The following MARCHF7 variants were observed in gnomAD, a reference collection of about 807,000 sequenced individuals.
MARCHF7 encodes membrane associated ring-CH-type finger 7, also known as E3 ubiquitin-protein ligase MARCHF7.
Under a neutral mutation model 76.5 loss-of-function variants are expected in MARCHF7, and 20 were observed. That is an observed-to-expected ratio of 0.26 (90% CI 0.18 to 0.38). MARCHF7 has a LOEUF of 0.38. Ranked by LOEUF, MARCHF7 falls within the 10% of genes least tolerant of loss-of-function variation. The pLI, the probability that MARCHF7 is intolerant of heterozygous loss-of-function variation, is 1.00. For synonymous variants in MARCHF7, 295 were observed against 293.0 expected (o/e 1.01, Z -0.07); for missense variants, 797 against 812.9 (o/e 0.98, Z 0.24).
In MARCHF7 at chr2:159,739,686, A is replaced by G. The variant is rs1010632644; in HGVS notation, c.154-3375A>G. ...AAAAAACAATTGCTTCAGACTGAGG[A>G]TATTTGAACAAATATGGACAAAATT... On this transcript the variant is annotated intron_variant, in intron 4 of 11. Coordinates refer to ENST00000409175, the MANE Select transcript of MARCHF7 (RefSeq NM_001282805.2). Among the ~76,000 whole-genome samples the G allele has an allele frequency of 3.3e-5, 5 of 152,220 alleles. 1 individual carries two copies. The highest frequency in any genetic ancestry group is 7.4e-5 in the Non-Finnish European group (5 of 68,024).
At chr2:159,764,255 T>TGTGTGTGTGTGTGTGCGCGCGC (rs10592175) in intron 10 of MARCHF7, among the ~76,000 whole-genome samples, 14 of 131,366 alleles carry the variant, frequency 1.1e-4, no homozygotes, top group African/African-American at 3.0e-4. Flanking sequence ...TGTGTGTGTG[T>TGTGTGTGTGTGTGTGCGCGCGC]GCGCGCGCCC....
intron 7 of MARCHF7, among the ~76,000 whole-genome samples, chr2:159,750,523 CAAAATAAAATAAAAT>C (rs376067917): frequency 2.0e-5 from 3 of 151,404 alleles, no homozygotes; most frequent in African/African-American, 7.3e-5. Context: ...GACTCTGTCT[CAAAATAAAATAAAAT>C]AAAATAAAAT....
chr2:159,737,328 AT>A (rs1216805099), intron 4 of MARCHF7, among the ~76,000 whole-genome samples: 3 of 152,222 alleles, frequency 2.0e-5, no homozygotes, highest in Non-Finnish European at 4.4e-5. Context: ...CCTCTCAACA[AT>A]AAAAATATAA....
In MARCHF7 at chr2:159,768,052, C is replaced by T. The variant is rs1026359946; in HGVS notation, c.*710C>T. On this transcript the variant is annotated 3_prime_UTR_variant, in exon 12 of 12. Coordinates refer to ENST00000409175, the MANE Select transcript of MARCHF7 (RefSeq NM_001282805.2). The stretch of plus-strand genomic sequence containing the variant: ...GTAGATATTCCTTTTAGGAATATTA[C>T]AGCTGTAAATTATATGAGACTTGCC... The T allele has an allele frequency of 1.3e-5, 2 of 152,428 alleles. No homozygotes were observed. The highest frequency in any genetic ancestry group is 2.4e-5 in the African/African-American group (1 of 41,410). The allele number at this position is 152,428 out of a possible 1,614,324, so 9.4% of individuals were successfully genotyped here.
At chr2:159,728,978 A>G (rs746717488) in intron 3 of MARCHF7, 31 bp from the exon 4 acceptor site, 1 of 1,418,692 alleles carries the variant, frequency 7.0e-7, no homozygotes, top group Non-Finnish European at 9.5e-7. Flanking sequence ...TATTTTCCCA[A>G]AGGCAATTAA....
intron 3 of MARCHF7, among the ~76,000 whole-genome samples, chr2:159,721,674 A>G (rs1053643928): frequency 6.6e-6 from 1 of 152,220 alleles, no homozygotes; most frequent in Non-Finnish European, 1.5e-5. Flanking sequence ...TGGAGAATAG[A>G]AAGTGTAGCC....
intron 4 of MARCHF7, chr2:159,733,120 C>T (rs1703022069): frequency 1.5e-6 from 1 of 668,118 alleles, no homozygotes; most frequent in Admixed American, 6.3e-5. Context: ...CCTGGCTTTA[C>T]ATTGGTTTAA....
chr2:159,738,435 C>A (rs967288587), intron 4 of MARCHF7, among the ~76,000 whole-genome samples: 1 of 152,124 alleles, frequency 6.6e-6, no homozygotes, highest in Admixed American at 6.5e-5. Flanking sequence ...TGGCGGGTCC[C>A]GAGTTCTTGT....
chr2:159,737,361 G>A (rs1338402807), intron 4 of MARCHF7, among the ~76,000 whole-genome samples: 1 of 152,044 alleles, frequency 6.6e-6, no homozygotes, highest in Non-Finnish European at 1.5e-5. Flanking sequence ...ATGGGCAAAG[G>A]ACTTTAATAA....
At position 159,768,857 on chromosome 2, in the gene MARCHF7, TTAACC is replaced by T. The variant is rs1708036990; in HGVS notation, c.*1516_*1520del. 6.6e-6 allele frequency: 1 copy of T among 152,182 alleles called. No individual in the cohort carries two copies. The highest frequency in any genetic ancestry group is 2.4e-5 in the African/African-American group (1 of 41,452). 9.4% of individuals were successfully genotyped at this position (152,182 alleles called of 1,614,324 possible). ...ATTCAGTATGACAGTTGTCTTCTGC[TTAACC>T]CATAAAACTTTATTTAAAAAATTTA... On this transcript the variant is annotated 3_prime_UTR_variant, in exon 12 of 12. Coordinates refer to ENST00000409175, the MANE Select transcript of MARCHF7 (RefSeq NM_001282805.2).
In MARCHF7 at chr2:159,729,830, T is replaced by C. The variant is rs541683477; in HGVS notation, c.153+655T>C. On this transcript the variant is annotated intron_variant, in intron 4 of 11. Coordinates refer to ENST00000409175, the MANE Select transcript of MARCHF7 (RefSeq NM_001282805.2). ...AAGATCACACTGATTCATCTGACTT[T>C]TCTCTGCATATACACAAAGCAGTGG... Among the ~76,000 whole-genome samples the C allele has an allele frequency of 7.9e-5, 12 of 152,340 alleles. No homozygotes were observed. The South Asian group carries it at 1.7e-3, about 21-fold the overall frequency.
intron 1 of MARCHF7, among the ~76,000 whole-genome samples, chr2:159,713,078 AG>A (rs1700446283): frequency 6.6e-6 from 1 of 152,216 alleles, no homozygotes. Context: ...CGGCTCGGCC[AG>A]CCCGGCCTCG....
intron 1 of MARCHF7, among the ~76,000 whole-genome samples, chr2:159,714,252 CTT>C (rs1700758825): frequency 6.6e-6 from 1 of 152,076 alleles, no homozygotes; most frequent in East Asian, 1.9e-4. Flanking sequence ...TATCTTAAAA[CTT>C]TTTTAGATAA....
chr2:159,756,109 C>A (rs1221729603), intron 8 of MARCHF7, among the ~76,000 whole-genome samples: 3 of 152,082 alleles, frequency 2.0e-5, no homozygotes, highest in African/African-American at 4.8e-5. Flanking sequence ...ATGTAAAGTG[C>A]TTAGTATTTT....
chr2:159,763,759 TTATC>T (rs1211836655), intron 10 of MARCHF7, among the ~76,000 whole-genome samples: 2 of 152,214 alleles, frequency 1.3e-5, no homozygotes, highest in East Asian at 3.8e-4. Context: ...ATTTTGAAAA[TTATC>T]AAATAACTGC....
At chr2:159,743,747 A>AG (rs1553781128) in intron 5 of MARCHF7, among the ~76,000 whole-genome samples, 34 of 67,150 alleles carry the variant, frequency 5.1e-4, no homozygotes, top group South Asian at 6.7e-4. Context: ...CAAAAAAAAA[A>AG]AAAGAGAGAA....
intron 3 of MARCHF7, among the ~76,000 whole-genome samples, chr2:159,716,772 ATAGT>A (rs758782018): frequency 3.9e-5 from 6 of 152,208 alleles, no homozygotes; most frequent in Non-Finnish European, 7.3e-5. Flanking sequence ...GATATTTAAG[ATAGT>A]TCCCAGGTTA....
At position 159,764,694 on chromosome 2, in the gene MARCHF7, C is replaced by T. The variant is rs1707547917; in HGVS notation, c.2056+20C>T. ...TCGAAAGTAGGTGGAATTTCCCCTCCCCAGACTTGTTGAATTTACTTTTGC... is the reference window on the plus strand; with the variant it reads ...TCGAAAGTAGGTGGAATTTCCCCTCTCCAGACTTGTTGAATTTACTTTTGC... On this transcript the variant is annotated intron_variant, in intron 11 of 11. Transcript: ENST00000409175. 1 of 1,587,190 alleles carries T rather than the reference C, an allele frequency of 6.3e-7. No individual in the cohort carries two copies.
At chr2:159,765,333 T>C (rs1200723765) in intron 11 of MARCHF7, among the ~76,000 whole-genome samples, 2 of 152,124 alleles carry the variant, frequency 1.3e-5, no homozygotes, top group Non-Finnish European at 2.9e-5. Context: ...GTGAAGGCAC[T>C]TAATTCTCAA....
Sources: allele counts gnomAD v4.1 joint callset (sites outside exome capture counted in the v4.1 genomes callset), GRCh38; gene constraint gnomAD v4.1.1; transcripts MANE v1.5; gene names NCBI Gene and HGNC (gene_info 2026-07-23, HGNC 2026-07-21).